Variants in FGGY observed in about 807,000 individuals in gnomAD.
FGGY encodes FGGY carbohydrate kinase domain-containing protein.
In FGGY, 72 loss-of-function variants were observed where a neutral mutation model predicts 71.3. The observed-to-expected ratio is 1.01, with a 90% CI of 0.84 to 1.23. FGGY has a LOEUF of 1.23. FGGY is among the 50% of genes most tolerant of loss of function. The pLI is 0.00. For synonymous variants in FGGY, 251 were observed against 250.3 expected (o/e 1.00, Z -0.02); for missense variants, 668 against 682.3 (o/e 0.98, Z 0.23).
intron 4 of FGGY, among the ~76,000 whole-genome samples, chr1:59,367,638 G>A (rs563256672): frequency 3.9e-5 from 6 of 152,230 alleles, no homozygotes; most frequent in Admixed American, 3.3e-4. Flanking sequence ...GTTGCCCCTC[G>A]ACCCTGGTGT....
intron 14 of FGGY, among the ~76,000 whole-genome samples, chr1:59,712,731 C>G (rs2097804587): frequency 6.6e-6 from 1 of 152,196 alleles, no homozygotes; most frequent in Non-Finnish European, 1.5e-5. Flanking sequence ...CTGCACACAT[C>G]ATGGGGATCC....
At chr1:59,429,286 A>T (rs551236205) in intron 5 of FGGY, among the ~76,000 whole-genome samples, 1 of 152,332 alleles carries the variant, frequency 6.6e-6, no homozygotes, top group East Asian at 1.9e-4. Flanking sequence ...AGGTTAAAAA[A>T]TAATAAATAT....
intron 5 of FGGY, among the ~76,000 whole-genome samples, chr1:59,455,714 GC>G (rs2091620910): frequency 6.6e-6 from 1 of 152,202 alleles, no homozygotes; most frequent in African/African-American, 2.4e-5. Context: ...CATGATAAGG[GC>G]TATGGTAGAA....
intron 6 of FGGY, among the ~76,000 whole-genome samples, chr1:59,496,981 A>G (rs76002581): frequency 1.3e-5 from 2 of 152,316 alleles, no homozygotes; most frequent in Non-Finnish European, 2.9e-5. Flanking sequence ...TGACAATTAT[A>G]TGTTAGGTGT....
At chr1:59,570,418 T>G (rs534627215) in intron 8 of FGGY, among the ~76,000 whole-genome samples, 1 of 152,350 alleles carries the variant, frequency 6.6e-6, no homozygotes, top group Admixed American at 6.5e-5. Context: ...AGTCAGTTCC[T>G]GCCAGATTTG....
intron 14 of FGGY, among the ~76,000 whole-genome samples, chr1:59,749,846 G>A (rs116458123): frequency 5.9e-5 from 9 of 152,232 alleles, no homozygotes; most frequent in East Asian, 1.9e-4. Context: ...TAATTATTCC[G>A]TGATTATACA....
rs1225831822 is a variant in FGGY, at chr1:59,607,807, G to A, written c.908G>A (p.Ser303Asn). The A allele has an allele frequency of 6.2e-7, 1 of 1,613,454 alleles. No homozygotes were observed. Residue 303 changes from serine (S) to asparagine (N), a missense_variant, in exon 9 of 16, where the codon AGC becomes AAC. Ser to Asn is a conservative substitution (Grantham distance 46). Coordinates refer to ENST00000303721, the MANE Select transcript of FGGY (RefSeq NM_018291.5). ...ATTTTCCATCTTTCTTTCCAGATCA[G>A]CAAAGACCCGATTTTTGTACCAGGC... ...CGTSSCHMGI[S>N]KDPIFVPGVW...
At chr1:59,483,391 A>G (rs2093559967) in intron 6 of FGGY, among the ~76,000 whole-genome samples, 1 of 152,220 alleles carries the variant, frequency 6.6e-6, no homozygotes, top group Admixed American at 6.5e-5. Flanking sequence ...CCTGCCTGCG[A>G]GATGCCTATC....
intron 14 of FGGY, among the ~76,000 whole-genome samples, chr1:59,753,894 A>G (rs922062503): frequency 6.6e-6 from 1 of 152,194 alleles, no homozygotes; most frequent in African/African-American, 2.4e-5. Flanking sequence ...TTAGATAAAT[A>G]TAAAGTCACT....
chr1:59,453,121 A>G (rs2091352357), intron 5 of FGGY, among the ~76,000 whole-genome samples: 1 of 152,086 alleles, frequency 6.6e-6, no homozygotes, highest in South Asian at 2.1e-4. Context: ...CTTCAATTGT[A>G]CTCACTAAAC....
chr1:59,645,171 C>T (rs746671125), intron 11 of FGGY, among the ~76,000 whole-genome samples: 6 of 152,134 alleles, frequency 3.9e-5, no homozygotes, highest in Non-Finnish European at 7.3e-5. Flanking sequence ...CAGTGTATGA[C>T]CTTTGGCGGG....
chr1:59,460,284 G>C (rs930025311), intron 6 of FGGY, among the ~76,000 whole-genome samples: 7 of 152,180 alleles, frequency 4.6e-5, no homozygotes, highest in African/African-American at 1.7e-4. Flanking sequence ...TGCCCAGGGA[G>C]CCTTGCTCTC....
intron 2 of FGGY, among the ~76,000 whole-genome samples, chr1:59,331,275 A>G (rs1174251165): frequency 1.3e-5 from 2 of 152,162 alleles, no homozygotes; most frequent in Non-Finnish European, 2.9e-5. Context: ...TCATCTTATC[A>G]TCAAATGGCA....
intron 9 of FGGY, among the ~76,000 whole-genome samples, chr1:59,616,082 TC>T (rs1184330598): frequency 1.3e-5 from 2 of 152,162 alleles, no homozygotes; most frequent in Non-Finnish European, 2.9e-5. Flanking sequence ...GTGTGGTGAT[TC>T]CTCAGGGATC....
chr1:59,551,423 CTTTATG>C (rs1160691738), intron 7 of FGGY, among the ~76,000 whole-genome samples: 2 of 152,180 alleles, frequency 1.3e-5, no homozygotes, highest in African/African-American at 4.8e-5. Flanking sequence ...TTTGCCTGTA[CTTTATG>C]TTTATGCAAC....
chr1:59,303,727 A>G (rs546148894), intron 1 of FGGY, among the ~76,000 whole-genome samples: 35 of 152,264 alleles, frequency 2.3e-4, no homozygotes, highest in Admixed American at 2.0e-4. Context: ...ACAGTGTACA[A>G]TGGTTCCCTT....
chr1:59,749,762 T>TCTCATAGGA (rs922030595), intron 14 of FGGY, among the ~76,000 whole-genome samples: 1 of 152,204 alleles, frequency 6.6e-6, no homozygotes, highest in African/African-American at 2.4e-5. Context: ...CTCACGTGCT[T>TCTCATAGGA]CTCATAGCAG....
At chr1:59,633,811 G>A (rs985516846) in intron 10 of FGGY, among the ~76,000 whole-genome samples, 1 of 152,184 alleles carries the variant, frequency 6.6e-6, no homozygotes, top group African/African-American at 2.4e-5. Flanking sequence ...GCAATGAGAA[G>A]AGGTTAGGAT....
intron 14 of FGGY, among the ~76,000 whole-genome samples, chr1:59,709,129 A>G (rs1224889787): frequency 6.6e-6 from 1 of 152,172 alleles, no homozygotes; most frequent in East Asian, 1.9e-4. Context: ...TCACACTGCT[A>G]TAAAGATACT....
Sources: gnomAD v4.1 joint callset for allele counts (sites outside exome capture counted in the v4.1 genomes callset) on GRCh38, gnomAD v4.1.1 for gene constraint, MANE v1.5 for transcripts, NCBI Gene and HGNC (gene_info 2026-07-23, HGNC 2026-07-21) for gene names.